Variants in USP4 observed in about 807,000 individuals in gnomAD.
USP4 encodes the protein ubiquitin specific peptidase 4, also known as ubiquitin carboxyl-terminal hydrolase 4.
Under a neutral mutation model 118.2 loss-of-function variants are expected in USP4, and 72 were observed. The observed-to-expected ratio is 0.61, with a 90% CI of 0.50 to 0.74. USP4 has a LOEUF of 0.74. USP4 is among the 30% of genes least tolerant of loss of function. The pLI is 0.00. For missense variants in USP4, 1,037 were observed against 1,185.7 expected (o/e 0.87, Z 1.84); for synonymous variants, 415 against 440.4 (o/e 0.94, Z 0.72).
intron 15 of USP4, among the ~76,000 whole-genome samples, chr3:49,287,508 T>C (rs576533965): frequency 6.6e-6 from 1 of 152,126 alleles, no homozygotes; most frequent in East Asian, 1.9e-4. Context: ...AGTCTCACTC[T>C]GTTGCCCAGG....
chr3:49,319,461 A>G (rs570701182), intron 6 of USP4, among the ~76,000 whole-genome samples: 3 of 151,970 alleles, frequency 2.0e-5, no homozygotes, highest in Non-Finnish European at 4.4e-5. Flanking sequence ...ATATTGGCCC[A>G]GGATGGTCTT....
chr3:49,321,660 G>A (rs2047503906), intron 6 of USP4, among the ~76,000 whole-genome samples: 1 of 151,826 alleles, frequency 6.6e-6, no homozygotes, highest in African/African-American at 2.4e-5. Flanking sequence ...TAAGAGATGG[G>A]GTTTCAGCAT....
At chr3:49,283,946 T>C in intron 19 of USP4, 41 bp downstream of exon 19, 1 of 1,602,652 alleles carries the variant, frequency 6.2e-7, no homozygotes, top group South Asian at 1.1e-5. Flanking sequence ...ATTTTCTGCC[T>C]GTTTTTAAAT....
chr3:49,295,714 G>GCGCGCGCGCGCA (rs149459963), intron 13 of USP4, among the ~76,000 whole-genome samples: 5 of 148,414 alleles, frequency 3.4e-5, no homozygotes, highest in African/African-American at 1.0e-4. Flanking sequence ...GCGCGCGCGC[G>GCGCGCGCGCGCA]CACACACACA....
chr3:49,324,550 C>T (rs142249976), intron 6 of USP4, 152 bp downstream of exon 6: 22 of 728,196 alleles, frequency 3.0e-5, no homozygotes, highest in African/African-American at 1.0e-4. Context: ...CCAAAAGCCA[C>T]GGTCTTCATC....
At chr3:49,323,929 A>G (rs548935072) in intron 6 of USP4, among the ~76,000 whole-genome samples, 2 of 152,300 alleles carry the variant, frequency 1.3e-5, no homozygotes, top group Admixed American at 1.3e-4. Context: ...TTCACCCAGC[A>G]AGCTCCCAGG....
At position 49,298,759 on chromosome 3, in the gene USP4, G is replaced by T. The variant is rs770492154; in HGVS notation, c.1513-124C>A. ...AGAAACAATGTATGGTGAGGTCAGG[G>T]TACAGATGAGTCAGAAGCAGAGCAA... On this transcript the variant is annotated intron_variant, in intron 11 of 21. Transcript: ENST00000265560. 44 of 800,514 alleles carry T rather than the reference G, an allele frequency of 5.5e-5. 1 individual carries two copies. The highest frequency in any genetic ancestry group is 4.2e-4 in the Admixed American group (21 of 49,828). The allele number at this position is 800,514 out of a possible 1,614,324, so 49.6% of individuals were successfully genotyped here.
chr3:49,321,116 G>GTCAGAAATTCTTT (rs574495606), intron 6 of USP4, among the ~76,000 whole-genome samples: 4,764 of 152,242 alleles, frequency 0.031, 100 homozygotes, highest in Non-Finnish European at 0.052. Context: ...GACTGCCTAC[G>GTCAGAAATTCTTT]TCAGAAATTC....
chr3:49,300,342 G>A (rs1274580009), intron 11 of USP4, 125 bp downstream of exon 11: 12 of 767,216 alleles, frequency 1.6e-5, no homozygotes, highest in Non-Finnish European at 2.6e-5. Flanking sequence ...TGGAGGCCAA[G>A]GGCCCATACC....
Position 49,297,949 on chromosome 3 carries a change from C to T in USP4, c.1612G>A (p.Val538Met). 1 of 1,612,578 alleles carries T rather than the reference C, an allele frequency of 6.2e-7. No homozygotes were observed. Among genetic ancestry groups the T allele is most frequent in the Non-Finnish European group, 8.5e-7 (1 of 1,178,636 alleles). Reference protein sequence around the residue: ...IAAENMVVADVYNHRFHKIFQ... With the variant: ...IAAENMVVADMYNHRFHKIFQ... The stretch of plus-strand genomic sequence containing the variant: ...ATTTTGTGGAATCGGTGATTATACA[C>T]ATCTGCGACCACCATCTAAGAATGA... The change falls in exon 13 of 22, where the codon GTG becomes ATG. Residue 538 changes from valine to methionine, a missense_variant. Physicochemically the swap from Val to Met is conservative, Grantham distance 21. Transcript: ENST00000265560.
At chr3:49,279,007 C>G (rs1559462120) in intron 20 of USP4, 105 bp from the exon 21 acceptor site, 20 of 649,464 alleles carry the variant, frequency 3.1e-5, no homozygotes, top group Admixed American at 7.3e-5. Flanking sequence ...AAACAAAACC[C>G]CTGAAATTAA....
chr3:49,292,602 CAAAAAGAG>C lies in USP4; in HGVS notation c.1884-12_1884-5del. 1 of 1,562,420 alleles carries C rather than the reference CAAAAAGAG, an allele frequency of 6.4e-7. No homozygotes were observed. Among genetic ancestry groups the C allele is most frequent in the Non-Finnish European group, 8.6e-7 (1 of 1,156,448 alleles). On this transcript the variant is annotated splice_region_variant and splice_polypyrimidine_tract_variant and intron_variant, in intron 14 of 21. Coordinates refer to ENST00000265560, the MANE Select transcript of USP4 (RefSeq NM_003363.4). ...TAAAGGCTGTTTCACATAGCGGCTT[CAAAAAGAG>C]AAAAAGAGAAGAAAAAAAAGATTGT...
intron 6 of USP4, among the ~76,000 whole-genome samples, chr3:49,318,143 A>AT (rs772859780): frequency 2.6e-5 from 4 of 152,024 alleles, no homozygotes; most frequent in African/African-American, 4.8e-5. Context: ...ACCTAATTTT[A>AT]TTTTTTTAAG....
intron 20 of USP4, 149 bp from the exon 21 acceptor site, chr3:49,279,051 A>T (rs984366001): frequency 2.2e-6 from 1 of 450,272 alleles, no homozygotes; most frequent in Admixed American, 4.2e-5. Flanking sequence ...ACAACCAAAA[A>T]ACAACTCACC....
At chr3:49,303,496 T>C (rs150582094) in intron 9 of USP4, among the ~76,000 whole-genome samples, 1 of 142,250 alleles carries the variant, frequency 7.0e-6, no homozygotes, top group Non-Finnish European at 1.5e-5. Flanking sequence ...TGTTCTCTAA[T>C]ACCATAGCCA....
At chr3:49,337,904 G>A (rs1219476764) in intron 1 of USP4, among the ~76,000 whole-genome samples, 1 of 151,442 alleles carries the variant, frequency 6.6e-6, no homozygotes, top group African/African-American at 2.4e-5. Context: ...ACATTAGCGG[G>A]GCATGGTGGT....
chr3:49,338,675 A>AG (rs1553628047), intron 1 of USP4, among the ~76,000 whole-genome samples: 10 of 150,908 alleles, frequency 6.6e-5, no homozygotes, highest in Admixed American at 2.6e-4. Flanking sequence ...AAAAAAAAAA[A>AG]AAAAGAAAAG....
rs146147164 is a variant in USP4 at position 49,292,288 on chromosome 3, G to GAAAA, written c.1972+218_1972+221dup. Among the ~76,000 whole-genome samples the GAAAA allele has an allele frequency of 1.2e-4, 13 of 107,976 alleles. No individual in the cohort carries two copies. In the East Asian group the frequency reaches 3.3e-3, roughly 28 times the overall value. 70.8% of individuals were successfully genotyped at this position (107,976 alleles called of 152,430 possible). Reference sequence around the variant, plus strand: ...GTGACAGGAATGAGACCCCTATCTGGAAAAAAAAAAAAAAAAAAGGAAGAT... The same window carrying GAAAA: ...GTGACAGGAATGAGACCCCTATCTGGAAAAAAAAAAAAAAAAAAAAAAGGAAGAT... On this transcript the variant is annotated intron_variant, in intron 15 of 21. Transcript: ENST00000265560.
intron 2 of USP4, among the ~76,000 whole-genome samples, chr3:49,330,238 G>A (rs1330588961): frequency 6.6e-6 from 1 of 152,058 alleles, no homozygotes; most frequent in Non-Finnish European, 1.5e-5. Flanking sequence ...ACAGGCTGCA[G>A]AACGGATGTT....
Sources: allele counts gnomAD v4.1 joint callset (sites outside exome capture counted in the v4.1 genomes callset), GRCh38; gene constraint gnomAD v4.1.1; transcripts MANE v1.5; gene names NCBI Gene and HGNC (gene_info 2026-07-23, HGNC 2026-07-21).